Variants in CDH11 observed in about 807,000 individuals in gnomAD.
CDH11 encodes cadherin-11.
A neutral mutation model predicts 67.8 loss-of-function variants in CDH11; 11 were observed. The ratio of observed to expected loss-of-function variants is 0.16; its 90% CI spans 0.10 to 0.27. The LOEUF is 0.27. Ranked by LOEUF, CDH11 falls within the 10% of genes least tolerant of loss-of-function variation. The probability of loss-of-function intolerance (pLI) is 1.00; values close to 1 mark genes in which losing one functional copy is unlikely to be tolerated. For synonymous variants in CDH11, 419 were observed against 400.0 expected, an observed-to-expected ratio of 1.05 and a Z score of -0.57; for missense variants, 847 against 1,031.2, an observed-to-expected ratio of 0.82 and a Z score of 2.45.
chr16:64,990,719 A>G (rs1336242796), intron 6 of CDH11, among the ~76,000 whole-genome samples: 1 of 152,226 alleles, frequency 6.6e-6, no homozygotes, highest in African/African-American at 2.4e-5. Flanking sequence ...AATTACAATT[A>G]TTAATAATAA....
At chr16:65,035,043 A>G (rs2073724315) in intron 2 of CDH11, among the ~76,000 whole-genome samples, 1 of 152,208 alleles carries the variant, frequency 6.6e-6, no homozygotes, top group Non-Finnish European at 1.5e-5. Context: ...AGCAGGGCTC[A>G]TGAGGTGCTG....
intron 1 of CDH11, among the ~76,000 whole-genome samples, chr16:65,086,610 G>A (rs547570185): frequency 3.2e-4 from 48 of 152,316 alleles, no homozygotes; most frequent in Non-Finnish European, 5.9e-4. Context: ...TAGTTAATCT[G>A]GCACTTCTCA....
upstream of CDH11, chr16:65,122,304 G>T: frequency 6.2e-6 from 2 of 321,000 alleles, no homozygotes; most frequent in South Asian, 5.9e-5. Flanking sequence ...CCCTGGATTC[G>T]TGGCCGCCCC....
At chr16:64,959,471 A>T (rs755286019) in intron 11 of CDH11, among the ~76,000 whole-genome samples, 16 of 152,166 alleles carry the variant, frequency 1.1e-4, no homozygotes, top group Non-Finnish European at 2.2e-4. Context: ...CTTTAAGCTA[A>T]CTAGTTAAGT....
Position 64,945,340 on chromosome 16 carries a change from C to T in CDH11, c.*2263G>A. 1 of 731,918 alleles carries T rather than the reference C, an allele frequency of 1.4e-6. No homozygotes were observed. Among genetic ancestry groups the T allele is most frequent in the South Asian group, 6.1e-5 (1 of 16,366 alleles). The allele number at this position is 731,918 out of a possible 1,614,324, so 45.3% of individuals were successfully genotyped here. On this transcript the variant is annotated 3_prime_UTR_variant, in exon 13 of 13. Transcript: ENST00000268603. ...AAAAAGAAAAAGAAAAACAAGTATT[C>T]TTAACTACTGAAAAGTAAACAGCCT...
At chr16:64,960,164 CTGAA>C (rs1374768968) in intron 11 of CDH11, among the ~76,000 whole-genome samples, 1 of 152,110 alleles carries the variant, frequency 6.6e-6, no homozygotes, top group Non-Finnish European at 1.5e-5. Flanking sequence ...AAGTAAATGA[CTGAA>C]TGGATGAAAG....
chr16:65,003,501 C>G, intron 3 of CDH11, among the ~76,000 whole-genome samples: 1 of 152,198 alleles, frequency 6.6e-6, no homozygotes, highest in Admixed American at 6.5e-5. Flanking sequence ...CCGTGATTCA[C>G]CTGCCTCAGC....
chr16:64,960,197 T>C (rs2071635798), intron 11 of CDH11, among the ~76,000 whole-genome samples: 1 of 152,162 alleles, frequency 6.6e-6, no homozygotes, highest in African/African-American at 2.4e-5. Flanking sequence ...GGCTGGGTGA[T>C]GGGGTACTGA....
At chr16:65,050,187 G>A (rs1940266085) in intron 2 of CDH11, among the ~76,000 whole-genome samples, 1 of 152,158 alleles carries the variant, frequency 6.6e-6, no homozygotes, top group Admixed American at 6.5e-5. Flanking sequence ...CAAGGTCACA[G>A]GGCTTAGAAG....
intron 1 of CDH11, among the ~76,000 whole-genome samples, chr16:65,061,427 A>T (rs2074234893): frequency 6.6e-6 from 1 of 152,222 alleles, no homozygotes. Flanking sequence ...GACTGTAATA[A>T]TGTACTCATT....
At chr16:64,991,141 C>T (rs1235234979) in intron 6 of CDH11, among the ~76,000 whole-genome samples, 2 of 152,110 alleles carry the variant, frequency 1.3e-5, no homozygotes, top group Non-Finnish European at 2.9e-5. Context: ...TGCCTGGTGC[C>T]CTTGGGGATC....
intron 11 of CDH11, among the ~76,000 whole-genome samples, chr16:64,954,438 T>C (rs1436860697): frequency 6.6e-6 from 1 of 152,202 alleles, no homozygotes; most frequent in East Asian, 1.9e-4. Flanking sequence ...AGGAGACTGA[T>C]TGATAGCAAG....
intron 11 of CDH11, among the ~76,000 whole-genome samples, chr16:64,964,145 T>C (rs2071748224): frequency 6.6e-6 from 1 of 152,226 alleles, no homozygotes; most frequent in East Asian, 1.9e-4. Context: ...TGGTTATTCA[T>C]ATATACCGTC....
chr16:64,996,452 T>C (rs1037370292), intron 4 of CDH11, among the ~76,000 whole-genome samples: 13 of 147,256 alleles, frequency 8.8e-5, no homozygotes, highest in African/African-American at 3.3e-4. Context: ...ATCGTGCCAC[T>C]GCACTGCAGC....
intron 4 of CDH11, among the ~76,000 whole-genome samples, chr16:64,994,952 G>A (rs751845584): frequency 3.3e-5 from 5 of 152,006 alleles, no homozygotes; most frequent in East Asian, 1.9e-4. Context: ...AATACAGTGC[G>A]ATTCACAAGG....
intron 1 of CDH11, among the ~76,000 whole-genome samples, chr16:65,073,785 C>G (rs1218065467): frequency 1.3e-5 from 2 of 152,118 alleles, no homozygotes; most frequent in East Asian, 1.9e-4. Context: ...AGACTCTGCT[C>G]CAGCAGGTCT....
chr16:64,970,050 G>A (rs536179922), intron 11 of CDH11, among the ~76,000 whole-genome samples: 9 of 152,116 alleles, frequency 5.9e-5, no homozygotes, highest in Non-Finnish European at 1.3e-4. Context: ...AAAATGATGG[G>A]AATCATTTAC....
At chr16:65,108,084 C>T (rs893619871) in intron 1 of CDH11, among the ~76,000 whole-genome samples, 3 of 152,236 alleles carry the variant, frequency 2.0e-5, no homozygotes, top group Non-Finnish European at 2.9e-5. Flanking sequence ...GAAAAGGACA[C>T]TAGGCACGTC....
intron 1 of CDH11, among the ~76,000 whole-genome samples, chr16:65,056,905 G>A (rs1368005009): frequency 6.6e-6 from 1 of 152,072 alleles, no homozygotes; most frequent in Non-Finnish European, 1.5e-5. Flanking sequence ...CAAAAGCCTA[G>A]GCAGTCAATC....
Sources: gnomAD v4.1 joint callset for allele counts (sites outside exome capture counted in the v4.1 genomes callset) on GRCh38, gnomAD v4.1.1 for gene constraint, MANE v1.5 for transcripts, NCBI Gene and HGNC (gene_info 2026-07-23, HGNC 2026-07-21) for gene names.